RBM6: variants seen among roughly 807,000 people sequenced by gnomAD.
RBM6 encodes the protein RNA binding motif protein 6.
RBM6 carries 23 observed loss-of-function variants against 140.4 expected under a neutral mutation model. The ratio of observed to expected loss-of-function variants is 0.16; its 90% CI spans 0.12 to 0.23. RBM6 has a LOEUF of 0.23. Among genes scored for constraint, RBM6 ranks in the 10% least tolerant of loss-of-function variants. The pLI is 1.00. For synonymous variants in RBM6, 439 were observed against 475.6 expected, an observed-to-expected ratio of 0.92 and a Z score of 1.00; for missense variants, 1,139 against 1,386.7, an observed-to-expected ratio of 0.82 and a Z score of 2.84.
intron 4 of RBM6, among the ~76,000 whole-genome samples, chr3:49,972,821 C>T (rs761466862): frequency 1.3e-5 from 2 of 152,124 alleles, no homozygotes; most frequent in South Asian, 2.1e-4. Context: ...AAAGTACAGG[C>T]GGGGCATGGT....
intron 5 of RBM6, among the ~76,000 whole-genome samples, chr3:49,985,484 T>G (rs151182339): frequency 8.9e-4 from 135 of 152,318 alleles, no homozygotes; most frequent in African/African-American, 3.0e-3. Flanking sequence ...AGGTTATCTC[T>G]TAGGTCTTTT....
intron 4 of RBM6, among the ~76,000 whole-genome samples, chr3:49,973,477 G>T (rs1381641331): frequency 6.6e-6 from 1 of 152,008 alleles, no homozygotes; most frequent in Non-Finnish European, 1.5e-5. Context: ...TTTAACACAT[G>T]AGAAACTGGA....
In RBM6 at chr3:49,940,155, GT is replaced by G. The variant is rs1342062797; in HGVS notation, c.-136del. The G allele has an allele frequency of 1.3e-5, 2 of 152,494 alleles. No homozygotes were observed. The highest frequency in any genetic ancestry group is 1.3e-4 in the Admixed American group (2 of 15,282). 9.4% of individuals were successfully genotyped at this position (152,494 alleles called of 1,614,324 possible). A position where few individuals can be genotyped will look rare whatever the true frequency, so the allele number is the denominator to read the frequency against. ...GGCCCCGCGCGGAGGAAGTTCCGGT[GT>G]CCGCGGCGCTGGGTCGGTGGCGGAG... On this transcript the variant is annotated 5_prime_UTR_variant, in exon 1 of 21. Transcript: ENST00000266022.
chr3:50,052,007 G>T (rs2089488007), intron 7 of RBM6, among the ~76,000 whole-genome samples: 1 of 152,162 alleles, frequency 6.6e-6, no homozygotes, highest in Non-Finnish European at 1.5e-5. Flanking sequence ...GGTGATGGTT[G>T]CACTATACAT....
intron 1 of RBM6, among the ~76,000 whole-genome samples, chr3:49,958,501 A>G (rs2108606844): frequency 6.6e-6 from 1 of 152,176 alleles, no homozygotes; most frequent in East Asian, 1.9e-4. Context: ...GCGTCAACCC[A>G]GGAGGCGGAG....
At chr3:50,024,864 A>C (rs1286315031) in intron 6 of RBM6, among the ~76,000 whole-genome samples, 1 of 152,040 alleles carries the variant, frequency 6.6e-6, no homozygotes, top group African/African-American at 2.4e-5. Flanking sequence ...GAGGCAGGAC[A>C]CCTGTAATCC....
intron 5 of RBM6, among the ~76,000 whole-genome samples, chr3:49,989,188 A>G (rs372263519): frequency 6.6e-6 from 1 of 152,186 alleles, no homozygotes; most frequent in Non-Finnish European, 1.5e-5. Flanking sequence ...TGTTTGTCTG[A>G]AAGTCAAAGA....
chr3:50,068,552 C>T (rs2090189980), intron 17 of RBM6, 138 bp from the exon 18 acceptor site: 2 of 665,394 alleles, frequency 3.0e-6, no homozygotes, highest in East Asian at 5.6e-5. Context: ...TTGTTGGTTG[C>T]AGGATACAGT....
chr3:50,054,555 G>A (rs2089623971), intron 8 of RBM6, among the ~76,000 whole-genome samples, 160 bp downstream of exon 8: 1 of 151,654 alleles, frequency 6.6e-6, no homozygotes, highest in African/African-American at 2.4e-5. Flanking sequence ...GCCCAGGCTG[G>A]AGTGCAGTGG....
At chr3:50,017,506 C>T (rs1258453281) in intron 6 of RBM6, among the ~76,000 whole-genome samples, 1 of 147,396 alleles carries the variant, frequency 6.8e-6, no homozygotes, top group Non-Finnish European at 1.5e-5. Context: ...TGCAGTGAGC[C>T]AAGATCGCGC....
At chr3:50,026,993 C>G (rs2087878007) in intron 6 of RBM6, among the ~76,000 whole-genome samples, 1 of 151,672 alleles carries the variant, frequency 6.6e-6, no homozygotes, top group South Asian at 2.1e-4. Flanking sequence ...GTTCCTGGGT[C>G]GTCAGATAGC....
chr3:50,064,575 G>T (rs1435840740), intron 15 of RBM6, among the ~76,000 whole-genome samples: 2 of 151,608 alleles, frequency 1.3e-5, no homozygotes, highest in Admixed American at 6.6e-5. Context: ...GGAGTGGCAC[G>T]ATCTCGGCTC....
chr3:50,059,768 C>CAAGAGA, intron 11 of RBM6, 22 bp downstream of exon 11: 5 of 1,583,936 alleles, frequency 3.2e-6, no homozygotes, highest in Non-Finnish European at 4.3e-6. Context: ...GGGTGAGGAT[C>CAAGAGA]TCTTGTGCTG....
intron 1 of RBM6, among the ~76,000 whole-genome samples, chr3:49,944,112 A>G (rs964649028): frequency 2.0e-5 from 3 of 152,034 alleles, no homozygotes; most frequent in African/African-American, 7.2e-5. Context: ...AACTTTTTTC[A>G]TCTTCCCAAA....
intron 3 of RBM6, 141 bp downstream of exon 3, chr3:49,968,889 C>T (rs2084643168): frequency 9.0e-7 from 1 of 1,116,876 alleles, no homozygotes. Flanking sequence ...ATGCCATTCT[C>T]CTGCCTCAGC....
chr3:50,075,968 C>G (rs1209987400), intron 20 of RBM6, among the ~76,000 whole-genome samples: 1 of 151,138 alleles, frequency 6.6e-6, no homozygotes, highest in Non-Finnish European at 1.5e-5. Flanking sequence ...ATGAAAGATT[C>G]TTTTCTTTTT....
At position 50,077,210 on chromosome 3, in the gene RBM6, G is replaced by C; in HGVS notation, c.*77G>C. 2.7e-6 allele frequency: 4 copies of C among 1,460,096 alleles called. No homozygotes were observed. The African/African-American group carries it at 5.8e-5, about 21-fold the overall frequency. The allele number at this position is 1,460,096 out of a possible 1,614,324, so 90.4% of individuals were successfully genotyped here. On this transcript the variant is annotated 3_prime_UTR_variant, in exon 21 of 21. Coordinates refer to ENST00000266022, the MANE Select transcript of RBM6 (RefSeq NM_005777.3). ...CTCCTTTTCTTTTGTTACTGTTCTT[G>C]CTGCTAGAACTTTTTTAAATAAACT...
intron 15 of RBM6, 53 bp downstream of exon 15, chr3:50,062,161 G>A (rs2089965656): frequency 6.3e-7 from 1 of 1,579,862 alleles, no homozygotes; most frequent in East Asian, 2.3e-5. Flanking sequence ...TTAAAATGTT[G>A]GAGGTACGAA....
chr3:50,058,020 G>A lies in RBM6; in HGVS notation c.1969+17G>A. The A allele has an allele frequency of 6.2e-7, 1 of 1,608,996 alleles. No individual in the cohort carries two copies. Among genetic ancestry groups the A allele is most frequent in the Non-Finnish European group, 8.5e-7 (1 of 1,178,124 alleles). ...AGAGCAAAAGTAAGTAGTTTGTCAG[G>A]GCACATACCAGACTGTGATCATCAC... On this transcript the variant is annotated intron_variant, in intron 9 of 20. Coordinates refer to ENST00000266022, the MANE Select transcript of RBM6 (RefSeq NM_005777.3).
Sources: gnomAD v4.1 joint callset for allele counts (sites outside exome capture counted in the v4.1 genomes callset) on GRCh38, gnomAD v4.1.1 for gene constraint, MANE v1.5 for transcripts, NCBI Gene and HGNC (gene_info 2026-07-23, HGNC 2026-07-21) for gene names.